CLIC2: variants seen among roughly 807,000 people sequenced by gnomAD.
CLIC2 encodes chloride intracellular channel protein 2.
CLIC2 carries 9 observed loss-of-function variants against 14.8 expected under a neutral mutation model. The ratio of observed to expected loss-of-function variants is 0.61; its 90% CI spans 0.37 to 1.06. The LOEUF (loss-of-function observed/expected upper bound fraction) is 1.06. CLIC2 is among the 50% of genes least tolerant of loss of function. The pLI is 0.01. For synonymous variants in CLIC2, 61 were observed against 66.3 expected, an observed-to-expected ratio of 0.92 and a Z score of 0.39; for missense variants, 148 against 181.4, an observed-to-expected ratio of 0.82 and a Z score of 1.06.
chrX:155,293,771 A>C (rs2074983248), intron 3 of CLIC2, among the ~76,000 whole-genome samples: 1 of 111,894 alleles, frequency 8.9e-6, no homozygotes, highest in African/African-American at 3.2e-5. Flanking sequence ...ATAATCATAT[A>C]AGACAAAACA....
intron 1 of CLIC2, among the ~76,000 whole-genome samples, chrX:155,305,023 CTG>C (rs2075045798): frequency 9.0e-6 from 1 of 111,384 alleles, no homozygotes; most frequent in Non-Finnish European, 1.9e-5. Context: ...GAGGTTACTG[CTG>C]TCTTTTTGTT....
At chrX:155,326,331 CAAAT>C (rs1440330393) in intron 1 of CLIC2, among the ~76,000 whole-genome samples, 1 of 111,183 alleles carries the variant, frequency 9.0e-6, no homozygotes, top group Non-Finnish European at 1.9e-5. Flanking sequence ...ATGCAGATGA[CAAAT>C]AAGCAGACAA....
chrX:155,295,235 T>C (rs1557318218), intron 3 of CLIC2, among the ~76,000 whole-genome samples: 2 of 111,731 alleles, frequency 1.8e-5, no homozygotes, highest in African/African-American at 6.5e-5. Flanking sequence ...ATAACCTCAA[T>C]ATATGACATC....
chrX:155,287,167 A>G (rs1421691043), intron 3 of CLIC2, among the ~76,000 whole-genome samples: 1 of 111,698 alleles, frequency 9.0e-6, no homozygotes, highest in Non-Finnish European at 1.9e-5. Flanking sequence ...TCCAGCTTCA[A>G]TCGTCTGCAT....
chrX:155,329,496 A>G (rs1462769796), intron 1 of CLIC2, among the ~76,000 whole-genome samples: 1 of 106,575 alleles, frequency 9.4e-6, no homozygotes, highest in Non-Finnish European at 2.0e-5. Flanking sequence ...TTTTGCACCA[A>G]CCTAATAAAA....
intron 1 of CLIC2, among the ~76,000 whole-genome samples, chrX:155,305,061 G>A (rs1340519930): frequency 8.9e-6 from 1 of 112,187 alleles, no homozygotes; most frequent in Non-Finnish European, 1.9e-5. Flanking sequence ...CCCAGAGGTG[G>A]AGCCTACAGA....
intron 3 of CLIC2, chrX:155,290,855 A>T: frequency 3.1e-6 from 2 of 650,264 alleles, no homozygotes; most frequent in East Asian, 6.4e-5. Context: ...TACTCCTTGT[A>T]GTGTTTGATG....
rs782614902 is a variant in CLIC2 at position 155,318,568 on chromosome X, A to T, written c.57+15803T>A. Among the ~76,000 whole-genome samples the T allele has an allele frequency of 8.9e-4, 100 of 112,352 alleles. 1 individual carries two copies. Among genetic ancestry groups the T allele is most frequent in the Middle Eastern group, 4.6e-3 (1 of 219 alleles). On this transcript the variant is annotated intron_variant, in intron 1 of 5. Transcript: ENST00000369449. ...ACTGCTGAAAGAAATCATAGATGACACAAACAAATGGAAATACATCCCATG... is the reference window on the plus strand; with the variant it reads ...ACTGCTGAAAGAAATCATAGATGACTCAAACAAATGGAAATACATCCCATG...
intron 1 of CLIC2, among the ~76,000 whole-genome samples, chrX:155,305,518 C>G (rs1557319929): frequency 1.8e-5 from 2 of 112,233 alleles, no homozygotes; most frequent in African/African-American, 6.5e-5. Flanking sequence ...GATGGAAATG[C>G]AGAAATCACC....
chrX:155,297,884 A>AAAAAAAAAAAAAAAAAAAAAAAAGAAG (rs1557318527), intron 3 of CLIC2, among the ~76,000 whole-genome samples: 1 of 45,217 alleles, frequency 2.2e-5, no homozygotes, highest in Non-Finnish European at 4.9e-5. Context: ...AAAAAAAAAA[A>AAAAAAAAAAAAAAAAAAAAAAAAGAAG]AAGAAGGTGA....
At chrX:155,288,915 C>T (rs1602932061) in intron 3 of CLIC2, among the ~76,000 whole-genome samples, 1 of 110,831 alleles carries the variant, frequency 9.0e-6, no homozygotes, top group Admixed American at 9.6e-5. Flanking sequence ...GAGGGCAAGG[C>T]GGGCGGGTCA....
intron 3 of CLIC2, chrX:155,290,254 AT>A (rs374636397): frequency 9.7e-4 from 170 of 175,939 alleles, no homozygotes; most frequent in African/African-American, 5.0e-3. Flanking sequence ...AAAAAGTACA[AT>A]TTTTTCCCTA....
At position 155,319,440 on chromosome X, in the gene CLIC2, C is replaced by T. The variant is rs782744009; in HGVS notation, c.57+14931G>A. Among the ~76,000 whole-genome samples, 433 of 112,029 alleles carry T rather than the reference C, an allele frequency of 3.9e-3. 2 individuals are homozygous for T. The highest frequency in any genetic ancestry group is 6.4e-3 in the Non-Finnish European group (340 of 53,145). On this transcript the variant is annotated intron_variant, in intron 1 of 5. Transcript: ENST00000369449. ...AAGCAGGGTGGGGCGTCACCTCACTCAGGAAGCACAAGGGGTCGGGGAACT... is the reference window on the plus strand; with the variant it reads ...AAGCAGGGTGGGGCGTCACCTCACTTAGGAAGCACAAGGGGTCGGGGAACT...
rs782615842 is a variant in CLIC2, at chrX:155,305,538, C to G, written c.58-6393G>C. ...AAATGCAGAAATCACCCGTCTTCTG[C>G]GTCGCTCATCCTGGGAGCTGTAGAC... On this transcript the variant is annotated intron_variant, in intron 1 of 5. Coordinates refer to ENST00000369449, the MANE Select transcript of CLIC2 (RefSeq NM_001289.6). 1.4e-4 allele frequency among the ~76,000 whole-genome samples: 16 copies of G among 112,447 alleles called. No individual in the cohort carries two copies. In the East Asian group the frequency reaches 2.3e-3, roughly 16 times the overall value.
At chrX:155,305,420 G>A (rs782227570) in intron 1 of CLIC2, among the ~76,000 whole-genome samples, 4 of 112,639 alleles carry the variant, frequency 3.6e-5, no homozygotes, top group South Asian at 7.2e-4. Flanking sequence ...GCAATGCCTC[G>A]CCCTGCTTCG....
chrX:155,331,712 CCTCTT>C (rs1644258959), intron 1 of CLIC2, among the ~76,000 whole-genome samples: 1 of 110,727 alleles, frequency 9.0e-6, no homozygotes, highest in South Asian at 3.8e-4. Context: ...TGACATACAT[CCTCTT>C]CTCACTCAGT....
At chrX:155,332,078 C>G (rs781827287) in intron 1 of CLIC2, among the ~76,000 whole-genome samples, 1 of 111,543 alleles carries the variant, frequency 9.0e-6, no homozygotes, top group Admixed American at 9.6e-5. Flanking sequence ...ATTATTTCAT[C>G]CCTACACTTA....
At chrX:155,319,134 C>G (rs2075104642) in intron 1 of CLIC2, among the ~76,000 whole-genome samples, 1 of 111,954 alleles carries the variant, frequency 8.9e-6, no homozygotes, top group East Asian at 2.8e-4. Flanking sequence ...AAAATCTCTT[C>G]TAGACATTGG....
chrX:155,277,216 C>T lies in CLIC2; in HGVS notation c.*687G>A, dbSNP rs887824147. ...TTTTCATTTCTATGAATAAAAGATT[C>T]AGTTGACTTTGTTTCTTATATTGTT... On this transcript the variant is annotated 3_prime_UTR_variant, in exon 6 of 6. Transcript: ENST00000369449. 1.5e-4 allele frequency: 17 copies of T among 112,069 alleles called. No homozygotes were observed. The highest frequency in any genetic ancestry group is 5.2e-4 in the African/African-American group (16 of 30,892). 9.2% of individuals were successfully genotyped at this position (112,069 alleles called of 1,213,427 possible). A position where few individuals can be genotyped will look rare whatever the true frequency, so the allele number is the denominator to read the frequency against.
Sources: gnomAD v4.1 joint callset for allele counts (sites outside exome capture counted in the v4.1 genomes callset) on GRCh38, gnomAD v4.1.1 for gene constraint, MANE v1.5 for transcripts, NCBI Gene and HGNC (gene_info 2026-07-23, HGNC 2026-07-21) for gene names.